DGKQ: variants seen among roughly 807,000 people sequenced by gnomAD.
DGKQ encodes the protein DAG kinase theta.
Under a neutral mutation model 104.2 loss-of-function variants are expected in DGKQ, and 97 were observed. That is an observed-to-expected ratio of 0.93 (90% CI 0.79 to 1.10). The LOEUF (loss-of-function observed/expected upper bound fraction) is 1.10, where lower values mean the gene tolerates loss of function less well. DGKQ is among the 50% of genes least tolerant of loss of function. The probability of loss-of-function intolerance (pLI) is 0.00; values close to 1 mark genes in which losing one functional copy is unlikely to be tolerated. For missense variants in DGKQ, 1,465 were observed against 1,352.1 expected, an observed-to-expected ratio of 1.08 and a Z score of -1.31; for synonymous variants, 736 against 595.2, an observed-to-expected ratio of 1.24 and a Z score of -3.44.
rs1712529176 is a variant in DGKQ, at chr4:967,741, T to A, written c.873A>T (p.Ala291=). 1 of 1,610,894 alleles carries A rather than the reference T, an allele frequency of 6.2e-7. No homozygotes were observed. The highest frequency in any genetic ancestry group is 1.7e-5 in the Admixed American group (1 of 59,786). The change falls in exon 7 of 23, where the codon GCA becomes GCT. Residue 291 remains alanine, a synonymous_variant. Transcript: ENST00000273814. ...AAVGPGRETQ[A]TPESGKQTLK... ...GCGGGCACTTACCGGACTCCGGAGTTGCCTGTGTCTCTCTGCCTGGACCCA... is the reference window on the plus strand; with the variant it reads ...GCGGGCACTTACCGGACTCCGGAGTAGCCTGTGTCTCTCTGCCTGGACCCA...
intron 8 of DGKQ, 47 bp from the exon 9 acceptor site, chr4:967,408 G>A (rs765237099): frequency 7.1e-5 from 96 of 1,349,790 alleles, no homozygotes; most frequent in Non-Finnish European, 9.2e-5. Flanking sequence ...GGGTCAGGCG[G>A]GGTTCAGTGG....
At chr4:968,952 C>T in intron 2 of DGKQ, 42 bp from the exon 3 acceptor site, 1 of 1,341,060 alleles carries the variant, frequency 7.5e-7, no homozygotes. Flanking sequence ...GTAAGGGCAA[C>T]AGGCTGCCCG....
Position 963,289 on chromosome 4 carries a change from TGCTGACAGACAGGGG to T in DGKQ, c.1735-14_1735del. 1.9e-6 allele frequency: 3 copies of T among 1,599,786 alleles called. No individual in the cohort carries two copies. The highest frequency in any genetic ancestry group is 1.7e-4 in the Middle Eastern group (1 of 5,964). On this transcript the variant is annotated splice_acceptor_variant and splice_polypyrimidine_tract_variant and coding_sequence_variant and intron_variant, in exon 16 of 23. Transcript: ENST00000273814. LOFTEE classifies it high-confidence loss of function. ...ACAGCTGTCTGGGGGCAGCTTCGCG[TGCTGACAGACAGGGG>T]GCTGGGTTAGGATGGGGACCCAAGG...
chr4:959,002 C>T lies in DGKQ; in HGVS notation c.*1618G>A, dbSNP rs1711657142. 2 of 158,966 alleles carry T rather than the reference C, an allele frequency of 1.3e-5. No homozygotes were observed. 9.8% of individuals were successfully genotyped at this position (158,966 alleles called of 1,614,324 possible). A position where few individuals can be genotyped will look rare whatever the true frequency, so the allele number is the denominator to read the frequency against. Reference sequence around the variant, plus strand: ...GGCACAGACCCCACCTGGGTACAGACTCACATACAGGACAAGCCCCTCACC... The same window carrying T: ...GGCACAGACCCCACCTGGGTACAGATTCACATACAGGACAAGCCCCTCACC... On this transcript the variant is annotated 3_prime_UTR_variant, in exon 23 of 23. Coordinates refer to ENST00000273814, the MANE Select transcript of DGKQ (RefSeq NM_001347.4).
chr4:973,416 G>A lies in DGKQ; in HGVS notation c.67C>T (p.Pro23Ser). ...LGGGSPRPGS[P>S]ACSPVLGSGG... Reference sequence around the variant, plus strand: ...GAGCCCAGCACGGGGCTGCAGGCCGGGCTGCCGGGGCGCGGGGAGCCGCCG... The same window carrying A: ...GAGCCCAGCACGGGGCTGCAGGCCGAGCTGCCGGGGCGCGGGGAGCCGCCG... Residue 23 changes from proline to serine, a missense_variant, in exon 1 of 23, where the codon CCG becomes TCG. By Grantham distance (74) the Pro-to-Ser change is moderately conservative. Coordinates refer to ENST00000273814, the MANE Select transcript of DGKQ (RefSeq NM_001347.4). 1 of 997,676 alleles carries A rather than the reference G, an allele frequency of 1.0e-6. No individual in the cohort carries two copies. The highest frequency in any genetic ancestry group is 4.6e-5 in the South Asian group (1 of 21,936). The allele number at this position is 997,676 out of a possible 1,614,324, so 61.8% of individuals were successfully genotyped here. A position where few individuals can be genotyped will look rare whatever the true frequency, so the allele number is the denominator to read the frequency against.
At position 973,131 on chromosome 4, in the gene DGKQ, C is replaced by T. The variant is rs987219311; in HGVS notation, c.271+81G>A. 13 of 1,361,966 alleles carry T rather than the reference C, an allele frequency of 9.5e-6. 1 individual carries two copies. The highest frequency in any genetic ancestry group is 6.3e-5 in the South Asian group (4 of 63,034). The allele number at this position is 1,361,966 out of a possible 1,614,324, so 84.4% of individuals were successfully genotyped here. A position where few individuals can be genotyped will look rare whatever the true frequency, so the allele number is the denominator to read the frequency against. ...CCGCCCTCCACTCCCCCGAAAGCGC[C>T]GGTGCCACCTCCGCTCAGGCTCCCG... On this transcript the variant is annotated intron_variant, in intron 1 of 22. Transcript: ENST00000273814.
In DGKQ at chr4:961,558, A is replaced by C; in HGVS notation, c.2483T>G (p.Leu828Arg). ...NIPSWGSGADLWGSDSDTRFE... is the reference protein window; with the variant it reads ...NIPSWGSGADRWGSDSDTRFE... ...CCTGGTGTCGCTGTCGGAGCCCCACAGGTCGGCCCCCGAGCCCCAGCTGCC... is the reference window on the plus strand; with the variant it reads ...CCTGGTGTCGCTGTCGGAGCCCCACCGGTCGGCCCCCGAGCCCCAGCTGCC... Residue 828 changes from leucine to arginine, a missense_variant, in exon 21 of 23, where the codon CTG becomes CGG. Transcript: ENST00000273814. 1 of 1,609,088 alleles carries C rather than the reference A, an allele frequency of 6.2e-7. No individual in the cohort carries two copies. Among genetic ancestry groups the C allele is most frequent in the Non-Finnish European group, 8.5e-7 (1 of 1,178,614 alleles).
intron 8 of DGKQ, 33 bp downstream of exon 8, chr4:967,515 AG>A: frequency 1.3e-6 from 2 of 1,592,560 alleles, no homozygotes; most frequent in South Asian, 1.1e-5. Flanking sequence ...CGGTCCTGGG[AG>A]GGGGCTCAGA....
At chr4:963,005 G>A (rs1427895009) in intron 16 of DGKQ, 85 bp from the exon 17 acceptor site, 1 of 1,521,904 alleles carries the variant, frequency 6.6e-7, no homozygotes, top group African/African-American at 1.4e-5. Flanking sequence ...TGCCCGTCCT[G>A]GCCGTGTGGA....
At chr4:970,731 C>T (rs1482709485) in intron 2 of DGKQ, among the ~76,000 whole-genome samples, 1 of 152,192 alleles carries the variant, frequency 6.6e-6, no homozygotes, top group Non-Finnish European at 1.5e-5. Context: ...TACATCTGTG[C>T]TCCCTTTAGT....
In DGKQ at chr4:966,533, G is replaced by A; in HGVS notation, c.1367-6C>T. 3 of 1,611,598 alleles carry A rather than the reference G, an allele frequency of 1.9e-6. No individual in the cohort carries two copies. The highest frequency in any genetic ancestry group is 2.5e-6 in the Non-Finnish European group (3 of 1,179,168). ...CATCAGCATCGTCCGCTGGACTGCA[G>A]AGGTGAGGGCACAGGCCGTCAGCAC... On this transcript the variant is annotated splice_region_variant and splice_polypyrimidine_tract_variant and intron_variant, in intron 11 of 22. Coordinates refer to ENST00000273814, the MANE Select transcript of DGKQ (RefSeq NM_001347.4).
Position 960,330 on chromosome 4 carries a change from C to T in DGKQ, c.*290G>A, listed in dbSNP as rs1577469434. On this transcript the variant is annotated 3_prime_UTR_variant, in exon 23 of 23. Coordinates refer to ENST00000273814, the MANE Select transcript of DGKQ (RefSeq NM_001347.4). ...CCCTGAGGAGAGGACCAGGCCCCCA[C>T]AGGGCAGAGGGCTCACCATCCAGAG... The T allele has an allele frequency of 2.0e-6, 1 of 494,566 alleles. No individual in the cohort carries two copies. Among genetic ancestry groups the T allele is most frequent in the East Asian group, 3.3e-5 (1 of 30,448 alleles). The allele number at this position is 494,566 out of a possible 1,614,324, so 30.6% of individuals were successfully genotyped here.
In DGKQ at chr4:973,249, G is replaced by C. The variant is rs377107642; in HGVS notation, c.234C>G (p.Ser78=). 5.0e-5 allele frequency: 78 copies of C among 1,558,730 alleles called. No individual in the cohort carries two copies. In the African/African-American group the frequency reaches 6.7e-4, roughly 13 times the overall value. ...LTKPTFCHLC[S]DFIWGLAGFL... ...AGCCGGCCAGCCCCCAGATGAAGTC[G>C]GAGCAGAGGTGGCAGAAGGTGGGCT... The change falls in exon 1 of 23, where the codon TCC becomes TCG. Residue 78 remains serine, a synonymous_variant. Coordinates refer to ENST00000273814, the MANE Select transcript of DGKQ (RefSeq NM_001347.4).
At chr4:966,439 TG>T (rs2153009495) in intron 12 of DGKQ, 26 bp downstream of exon 12, 2 of 1,609,442 alleles carry the variant, frequency 1.2e-6, no homozygotes, top group African/African-American at 1.3e-5. Flanking sequence ...GCTGGTTCCC[TG>T]GGGGCCGGCG....
chr4:960,613 G>T lies in DGKQ; in HGVS notation c.*7C>A. On this transcript the variant is annotated 3_prime_UTR_variant, in exon 23 of 23. Coordinates refer to ENST00000273814, the MANE Select transcript of DGKQ (RefSeq NM_001347.4). ...TGGCTCGAGCCCTTGGGCTGCCCCA[G>T]CCACCCCTACCTAGGATCGCTCTCA... The T allele has an allele frequency of 6.2e-7, 1 of 1,608,646 alleles. No individual in the cohort carries two copies. The highest frequency in any genetic ancestry group is 8.5e-7 in the Non-Finnish European group (1 of 1,177,720).
At chr4:968,612 C>T (rs776851002) in intron 3 of DGKQ, 48 bp from the exon 4 acceptor site, 13 of 1,529,652 alleles carry the variant, frequency 8.5e-6, no homozygotes, top group Middle Eastern at 2.1e-4. Flanking sequence ...CGGAGGACCC[C>T]TGCCTCTGCC....
At chr4:973,121 C>A in intron 1 of DGKQ, 91 bp downstream of exon 1, 1 of 1,344,252 alleles carries the variant, frequency 7.4e-7, no homozygotes. Context: ...CTCCACTCCC[C>A]CGAAAGCGCC....
intron 2 of DGKQ, among the ~76,000 whole-genome samples, chr4:970,358 C>T (rs560325281): frequency 2.0e-5 from 3 of 152,338 alleles, no homozygotes; most frequent in Admixed American, 1.3e-4. Context: ...AAGCCTGGCC[C>T]TTCCTACATG....
chr4:959,077 A>T lies in DGKQ; in HGVS notation c.*1543T>A, dbSNP rs1295885189. 6.5e-6 allele frequency: 1 copy of T among 153,104 alleles called. No homozygotes were observed. Among genetic ancestry groups the T allele is most frequent in the Non-Finnish European group, 1.5e-5 (1 of 68,528 alleles). The allele number at this position is 153,104 out of a possible 1,614,324, so 9.5% of individuals were successfully genotyped here. On this transcript the variant is annotated 3_prime_UTR_variant, in exon 23 of 23. Transcript: ENST00000273814. ...CCACAGTCCACACCAGGGCTCGCGA[A>T]GCAAAACTAATCACAAAGGACTGGT...
Sources: gnomAD v4.1 joint callset for allele counts (sites outside exome capture counted in the v4.1 genomes callset) on GRCh38, gnomAD v4.1.1 for gene constraint, MANE v1.5 for transcripts, NCBI Gene and HGNC (gene_info 2026-07-23, HGNC 2026-07-21) for gene names.